TOP1: variants seen among roughly 807,000 people sequenced by gnomAD.
The protein encoded by TOP1 is DNA topoisomerase 1.
TOP1 carries 10 observed loss-of-function variants against 111.1 expected under a neutral mutation model. The ratio of observed to expected loss-of-function variants is 0.09; its 90% confidence interval spans 0.06 to 0.15. The LOEUF (loss-of-function observed/expected upper bound fraction) is 0.15. Among genes scored for constraint, TOP1 ranks in the 10% least tolerant of loss-of-function variants. The probability of loss-of-function intolerance (pLI) is 1.00; values close to 1 mark genes in which losing one functional copy is unlikely to be tolerated. For synonymous variants in TOP1, 271 were observed against 302.9 expected, an observed-to-expected ratio of 0.89 and a Z score of 1.10; for missense variants, 474 against 926.7, an observed-to-expected ratio of 0.51 and a Z score of 6.34.
At chr20:41,086,460 T>C (rs532463784) in intron 8 of TOP1, among the ~76,000 whole-genome samples, 3 of 152,222 alleles carry the variant, frequency 2.0e-5, no homozygotes, top group Non-Finnish European at 4.4e-5. Context: ...GTCAGGGTTC[T>C]GTGGTAGTTA....
In TOP1 at chr20:41,098,627, G is replaced by C. The variant is rs1394478683; in HGVS notation, c.975+290G>C. The stretch of plus-strand genomic sequence containing the variant: ...ATAGTAATTAAGGATGGGCAGACCT[G>C]TCCCACAGTGGCTACTGGATATTAA... On this transcript the variant is annotated intron_variant, in intron 11 of 20. Coordinates refer to ENST00000361337, the MANE Select transcript of TOP1 (RefSeq NM_003286.4). This position sits in a 1 kb window ranked among gnomAD's most constrained non-coding sequence, Gnocchi z 5.7. 7.3e-6 allele frequency: 2 copies of C among 273,032 alleles called. No individual in the cohort carries two copies. Among genetic ancestry groups the C allele is most frequent in the African/African-American group, 4.5e-5 (2 of 44,148 alleles). The allele number at this position is 273,032 out of a possible 1,614,324, so 16.9% of individuals were successfully genotyped here. A position where few individuals can be genotyped will look rare whatever the true frequency, so the allele number is the denominator to read the frequency against.
intron 2 of TOP1, among the ~76,000 whole-genome samples, chr20:41,039,517 C>A (rs2033233563): frequency 6.6e-6 from 1 of 152,026 alleles, no homozygotes; most frequent in Admixed American, 6.6e-5. Context: ...ACCCATTAAA[C>A]TTTTTTGCCT....
intron 13 of TOP1, among the ~76,000 whole-genome samples, chr20:41,107,530 C>T (rs1322477002): frequency 1.3e-5 from 2 of 152,126 alleles, no homozygotes; most frequent in African/African-American, 4.8e-5. Context: ...TCAATTACCA[C>T]TTTTTGTTTT....
At chr20:41,090,561 C>T (rs1339040645) in intron 8 of TOP1, among the ~76,000 whole-genome samples, 2 of 152,002 alleles carry the variant, frequency 1.3e-5, no homozygotes, top group Non-Finnish European at 2.9e-5. Flanking sequence ...GGAGTGCAGT[C>T]ACGTGATCTC....
rs2034042511 is a variant in TOP1, at chr20:41,100,342, G to A, written c.1163+99G>A. On this transcript the variant is annotated intron_variant, in intron 12 of 20. Coordinates refer to ENST00000361337, the MANE Select transcript of TOP1 (RefSeq NM_003286.4). This position sits in a 1 kb window ranked among gnomAD's most constrained non-coding sequence, Gnocchi z 4.4. Reference sequence around the variant, plus strand: ...CAGGTTACACAGGACTGTTTGGGAAGGGAGATACTTAAGAGCAGGACAGTA... The same window carrying A: ...CAGGTTACACAGGACTGTTTGGGAAAGGAGATACTTAAGAGCAGGACAGTA... 1 of 1,011,180 alleles carries A rather than the reference G, an allele frequency of 9.9e-7. No individual in the cohort carries two copies. Among genetic ancestry groups the A allele is most frequent in the Non-Finnish European group, 1.4e-6 (1 of 691,164 alleles). The allele number at this position is 1,011,180 out of a possible 1,614,324, so 62.6% of individuals were successfully genotyped here.
chr20:41,049,486 G>C (rs561591702), intron 2 of TOP1, among the ~76,000 whole-genome samples: 1 of 152,296 alleles, frequency 6.6e-6, no homozygotes, highest in African/African-American at 2.4e-5. Context: ...TCTTGAACTT[G>C]GTCTTTGTAA....
chr20:41,033,294 T>C (rs181933101), intron 2 of TOP1, among the ~76,000 whole-genome samples: 2 of 128,932 alleles, frequency 1.6e-5, no homozygotes, highest in African/African-American at 6.0e-5. Context: ...TAGAGTAAAA[T>C]GGAAAATAGG....
At chr20:41,031,122 G>A (rs969257607) in intron 2 of TOP1, among the ~76,000 whole-genome samples, 1 of 152,156 alleles carries the variant, frequency 6.6e-6, no homozygotes. Context: ...AAGACTGGGC[G>A]CAGAGAATTG....
intron 3 of TOP1, chr20:41,073,058 T>C (rs962819675): frequency 3.0e-6 from 3 of 985,252 alleles, no homozygotes; most frequent in Admixed American, 6.1e-5. Flanking sequence ...AGAGGAAATA[T>C]CGTTGACTTT....
In TOP1 at chr20:41,123,791, TAG is replaced by T; in HGVS notation, c.*497_*498del. 1 of 232,848 alleles carries T rather than the reference TAG, an allele frequency of 4.3e-6. No homozygotes were observed. The highest frequency in any genetic ancestry group is 8.5e-6 in the Non-Finnish European group (1 of 117,626). The allele number at this position is 232,848 out of a possible 1,614,324, so 14.4% of individuals were successfully genotyped here. A position where few individuals can be genotyped will look rare whatever the true frequency, so the allele number is the denominator to read the frequency against. On this transcript the variant is annotated 3_prime_UTR_variant, in exon 21 of 21. Transcript: ENST00000361337. The surrounding 1 kb of genome is among the most constrained non-coding windows in gnomAD (Gnocchi z 5.8). ...AGAACAAAAAACCCAGCGCACCTGT[TAG>T]AGTCGTCACTCTCTATTGTCATGGG...
At chr20:41,049,227 G>T (rs1056821566) in intron 2 of TOP1, among the ~76,000 whole-genome samples, 8 of 152,194 alleles carry the variant, frequency 5.3e-5, no homozygotes, top group Non-Finnish European at 1.0e-4. Flanking sequence ...TTCTTGAAGT[G>T]TTTTTAAGTC....
rs936769795 is a variant in TOP1, at chr20:41,069,770, A to G, written c.156-6401A>G. Among the ~76,000 whole-genome samples, 1 of 152,208 alleles carries G rather than the reference A, an allele frequency of 6.6e-6. No homozygotes were observed. The highest frequency in any genetic ancestry group is 1.9e-4 in the East Asian group (1 of 5,200). ...AATTTGGAGCCCTGATATTTTCAATATTATATTTATCCCTATCATAGTACG... is the reference window on the plus strand; with the variant it reads ...AATTTGGAGCCCTGATATTTTCAATGTTATATTTATCCCTATCATAGTACG... On this transcript the variant is annotated intron_variant, in intron 3 of 20. Coordinates refer to ENST00000361337, the MANE Select transcript of TOP1 (RefSeq NM_003286.4). The surrounding 1 kb of genome is among the most constrained non-coding windows in gnomAD (Gnocchi z 4.1).
At chr20:41,063,829 C>G (rs1343243426) in intron 3 of TOP1, among the ~76,000 whole-genome samples, 1 of 151,392 alleles carries the variant, frequency 6.6e-6, no homozygotes, top group East Asian at 1.9e-4. Flanking sequence ...CTTATAGATT[C>G]TGGATATTAT....
At chr20:41,053,691 T>C (rs922338852) in intron 2 of TOP1, among the ~76,000 whole-genome samples, 1 of 152,240 alleles carries the variant, frequency 6.6e-6, no homozygotes, top group Non-Finnish European at 1.5e-5. Context: ...TTAATGTTAA[T>C]TGACGTTCGA....
chr20:41,089,055 C>T (rs984494138), intron 8 of TOP1, among the ~76,000 whole-genome samples: 7 of 76,066 alleles, frequency 9.2e-5, no homozygotes, highest in African/African-American at 4.0e-4. Context: ...GACAGAGTCT[C>T]GCTCTGTCGC....
chr20:41,038,000 G>C (rs1568670297), intron 2 of TOP1, among the ~76,000 whole-genome samples: 1 of 152,106 alleles, frequency 6.6e-6, no homozygotes. Flanking sequence ...AAAATATGGG[G>C]AAAAAAATCT....
At chr20:41,075,437 C>A (rs2033715656) in intron 3 of TOP1, among the ~76,000 whole-genome samples, 1 of 152,358 alleles carries the variant, frequency 6.6e-6, no homozygotes, top group African/African-American at 2.4e-5. Flanking sequence ...TTCCAAAGTG[C>A]TGGGATTACA....
At position 41,098,468 on chromosome 20, in the gene TOP1, T is replaced by A; in HGVS notation, c.975+131T>A. 1 of 1,055,934 alleles carries A rather than the reference T, an allele frequency of 9.5e-7. No homozygotes were observed. Among genetic ancestry groups the A allele is most frequent in the Non-Finnish European group, 1.3e-6 (1 of 742,552 alleles). 65.4% of individuals were successfully genotyped at this position (1,055,934 alleles called of 1,614,324 possible). A position where few individuals can be genotyped will look rare whatever the true frequency, so the allele number is the denominator to read the frequency against. Reference sequence around the variant, plus strand: ...ATCATTCTATGCTAAAGACTTAGAGTTCTCAAAGTCTAAATTTTCTTAAAG... The same window carrying A: ...ATCATTCTATGCTAAAGACTTAGAGATCTCAAAGTCTAAATTTTCTTAAAG... On this transcript the variant is annotated intron_variant, in intron 11 of 20. Transcript: ENST00000361337. This position sits in a 1 kb window ranked among gnomAD's most constrained non-coding sequence, Gnocchi z 5.7.
At chr20:41,066,486 T>C (rs2033608131) in intron 3 of TOP1, among the ~76,000 whole-genome samples, 1 of 152,116 alleles carries the variant, frequency 6.6e-6, no homozygotes, top group South Asian at 2.1e-4. Context: ...TTTAAAAGCA[T>C]ACTTTTCCAA....
Sources: allele counts gnomAD v4.1 joint callset (sites outside exome capture counted in the v4.1 genomes callset), GRCh38; gene constraint gnomAD v4.1.1; non-coding constraint Gnocchi (gnomAD v3.1); transcripts MANE v1.5; gene names NCBI Gene and HGNC (gene_info 2026-07-23, HGNC 2026-07-21).